U2SURP: variants seen among roughly 807,000 people sequenced by gnomAD.
U2SURP encodes the protein U2 snRNP-associated SURP motif-containing protein.
In U2SURP, 9 loss-of-function variants were observed where a neutral mutation model predicts 144.9. That is an observed-to-expected ratio of 0.06 (90% confidence interval 0.04 to 0.11). U2SURP has a LOEUF of 0.11. Ranked by LOEUF, U2SURP falls within the 10% of genes least tolerant of loss-of-function variation. U2SURP has a pLI of 1.00. For missense variants in U2SURP, 724 were observed against 1,226.7 expected (o/e 0.59, Z 6.12); for synonymous variants, 408 against 396.8 (o/e 1.03, Z -0.33).
At chr3:143,010,221 A>G (rs1021868396) in intron 1 of U2SURP, among the ~76,000 whole-genome samples, 1 of 152,218 alleles carries the variant, frequency 6.6e-6, no homozygotes, top group East Asian at 1.9e-4. Flanking sequence ...ACATCACTGG[A>G]AGATATTATA....
chr3:143,050,033 C>G (rs568927837), intron 24 of U2SURP, among the ~76,000 whole-genome samples: 2 of 151,188 alleles, frequency 1.3e-5, no homozygotes, highest in African/African-American at 4.8e-5. Context: ...TACCTTTGTG[C>G]ACTTATATAG....
intron 24 of U2SURP, among the ~76,000 whole-genome samples, chr3:143,050,040 A>G (rs1264449427): frequency 6.6e-6 from 1 of 151,956 alleles, no homozygotes; most frequent in Non-Finnish European, 1.5e-5. Flanking sequence ...GTGCACTTAT[A>G]TAGGTAATAA....
At chr3:143,017,901 G>A (rs1936450084) in intron 6 of U2SURP, among the ~76,000 whole-genome samples, 1 of 151,694 alleles carries the variant, frequency 6.6e-6, no homozygotes, top group Non-Finnish European at 1.5e-5. Context: ...TGGGATTACA[G>A]ACGCCTGGCT....
chr3:143,045,388 AAGAG>A (rs1466920960), intron 24 of U2SURP, among the ~76,000 whole-genome samples: 4 of 150,394 alleles, frequency 2.7e-5, no homozygotes, highest in East Asian at 1.9e-4. Flanking sequence ...AAAAAAAAAA[AAGAG>A]CACTCCCTTT....
At chr3:143,043,795 G>T (rs1362418584) in intron 24 of U2SURP, among the ~76,000 whole-genome samples, 1 of 149,368 alleles carries the variant, frequency 6.7e-6, no homozygotes, top group Non-Finnish European at 1.5e-5. Context: ...TTGAGATGGA[G>T]TCTCGCAGTG....
At chr3:143,043,371 C>A in intron 24 of U2SURP, 95 bp downstream of exon 24, 3 of 1,275,406 alleles carry the variant, frequency 2.4e-6, no homozygotes, top group Non-Finnish European at 3.2e-6. Flanking sequence ...GTAGTACATA[C>A]TGTTCCTTCT....
chr3:143,040,842 A>G (rs951169870), intron 23 of U2SURP, among the ~76,000 whole-genome samples: 1 of 151,872 alleles, frequency 6.6e-6, no homozygotes, highest in African/African-American at 2.4e-5. Flanking sequence ...TAAATGTTTA[A>G]TGTTCAGCCA....
intron 1 of U2SURP, among the ~76,000 whole-genome samples, chr3:143,003,430 C>T (rs1010394368): frequency 3.1e-4 from 47 of 152,108 alleles, no homozygotes; most frequent in African/African-American, 8.9e-4. Flanking sequence ...ACTCTGGAGC[C>T]TCAATTCCCT....
intron 8 of U2SURP, among the ~76,000 whole-genome samples, 156 bp downstream of exon 8, chr3:143,020,849 T>A (rs2108282474): frequency 6.6e-6 from 1 of 152,324 alleles, no homozygotes; most frequent in Non-Finnish European, 1.5e-5. Context: ...GTGGTAAAAA[T>A]TAATTTGTAA....
rs115761525 is a variant in U2SURP, at chr3:143,001,884, C to T, written c.45+211C>T. Among the ~76,000 whole-genome samples, 556 of 152,296 alleles carry T rather than the reference C, an allele frequency of 3.7e-3. 4 individuals are homozygous for T. Among genetic ancestry groups the T allele is most frequent in the African/African-American group, 0.013 (544 of 41,568 alleles). On this transcript the variant is annotated intron_variant, in intron 1 of 27. Transcript: ENST00000473835. ...GGGATTCAGCTCGAGACTGGCGTGC[C>T]CAGTGGGTGGAGGCGTGAGTGCTTC...
chr3:143,032,594 ATTC>A (rs1234202178), intron 16 of U2SURP, among the ~76,000 whole-genome samples, 187 bp from the exon 17 acceptor site: 2 of 152,204 alleles, frequency 1.3e-5, no homozygotes, highest in African/African-American at 2.4e-5. Context: ...TCTACAGAGT[ATTC>A]TTATATAAAT....
rs869186497 is a variant in U2SURP at position 143,004,353 on chromosome 3, GTTTTTTTTTTTTTTTTT to G, written c.45+2692_45+2708del. The stretch of plus-strand genomic sequence containing the variant: ...CCTCTACAGGTCTTCTAGTTGGGGT[GTTTTTTTTTTTTTTTTT>G]TTTTTTTTTTTGAGAGGGAGTCTTG... On this transcript the variant is annotated intron_variant, in intron 1 of 27. Transcript: ENST00000473835. Among the ~76,000 whole-genome samples the G allele has an allele frequency of 6.0e-5, 5 of 83,430 alleles. No homozygotes were observed. The South Asian group carries it at 1.6e-3, about 26-fold the overall frequency. The allele number at this position is 83,430 out of a possible 152,430, so 54.7% of individuals were successfully genotyped here.
At chr3:143,035,517 G>T (rs1384659886) in intron 19 of U2SURP, among the ~76,000 whole-genome samples, 1 of 152,178 alleles carries the variant, frequency 6.6e-6, no homozygotes, top group Non-Finnish European at 1.5e-5. Context: ...AAAAGTTTTT[G>T]ACCTTAAATT....
chr3:143,047,650 C>T lies in U2SURP; in HGVS notation c.2545-3289C>T, dbSNP rs1380244111. Among the ~76,000 whole-genome samples, 3 of 50,560 alleles carry T rather than the reference C, an allele frequency of 5.9e-5. 1 individual carries two copies. Among genetic ancestry groups the T allele is most frequent in the Non-Finnish European group, 1.1e-4 (3 of 28,268 alleles). 33.2% of individuals were successfully genotyped at this position (50,560 alleles called of 152,430 possible). ...CTGACCCCCCCTCCCGCCTCCCGGA[C>T]GGGGCGGCTGGCCGGGCAGAGGGGC... is the stretch of plus-strand genomic sequence containing the variant. On this transcript the variant is annotated intron_variant, in intron 24 of 27. Transcript: ENST00000473835.
chr3:143,050,895 T>C, intron 24 of U2SURP, 44 bp from the exon 25 acceptor site: 1 of 1,330,544 alleles, frequency 7.5e-7, no homozygotes, highest in Non-Finnish European at 1.1e-6. Context: ...CTTGAGAATC[T>C]AGAATGATGA....
intron 25 of U2SURP, 70 bp from the exon 26 acceptor site, chr3:143,053,606 T>A (rs1276838363): frequency 9.1e-6 from 9 of 986,520 alleles, no homozygotes; most frequent in African/African-American, 1.6e-5. Context: ...GAGAAGATAT[T>A]GTTCTATAAA....
chr3:143,016,171 G>A (rs961762309), intron 4 of U2SURP, 86 bp from the exon 5 acceptor site: 9 of 1,177,260 alleles, frequency 7.6e-6, no homozygotes, highest in East Asian at 2.4e-5. Context: ...GAGGGTTTTC[G>A]TCCATATTAT....
In U2SURP at chr3:143,036,097, A is replaced by C; in HGVS notation, c.2057A>C (p.Glu686Ala). 1 of 1,604,250 alleles carries C rather than the reference A, an allele frequency of 6.2e-7. No individual in the cohort carries two copies. The highest frequency in any genetic ancestry group is 8.5e-7 in the Non-Finnish European group (1 of 1,176,996). ...CTTGTAAATATTATTGAAGAAAAGGAAACAGAGGTAGGCAGTCTGTATTTG... is the reference window on the plus strand; with the variant it reads ...CTTGTAAATATTATTGAAGAAAAGGCAACAGAGGTAGGCAGTCTGTATTTG... ...LGLVNIIEEK[E>A]TEDVPDDLDG... The change falls in exon 20 of 28, where the codon GAA becomes GCA. Residue 686 changes from glutamate (E) to alanine (A), a missense_variant. Physicochemically the swap from Glu to Ala is moderately radical, Grantham distance 107. This residue lies in a region of U2SURP where 116 missense variants were observed against 167.9 expected (regional missense o/e 0.69). Transcript: ENST00000473835.
rs1934223476 is a variant in U2SURP at position 143,043,385 on chromosome 3, T to G, written c.2544+109T>G. 26 of 1,160,966 alleles carry G rather than the reference T, an allele frequency of 2.2e-5. 2 individuals are homozygous for G. In the South Asian group the frequency reaches 4.0e-4, roughly 18 times the overall value. The allele number at this position is 1,160,966 out of a possible 1,614,324, so 71.9% of individuals were successfully genotyped here. On this transcript the variant is annotated intron_variant, in intron 24 of 27. Transcript: ENST00000473835. ...CGTAGTACATACTGTTCCTTCTCTC[T>G]GCTTAGAACTCTTCATACCAGATGA...
Sources: gnomAD v4.1 joint callset for allele counts (sites outside exome capture counted in the v4.1 genomes callset) on GRCh38, gnomAD v4.1.1 for gene constraint, gnomAD v4.1.1 regional missense constraint, MANE v1.5 for transcripts, NCBI Gene and HGNC (gene_info 2026-07-23, HGNC 2026-07-21) for gene names.